ROBO2: variants seen among roughly 807,000 people sequenced by gnomAD.
ROBO2 encodes the protein roundabout homolog 2.
A neutral mutation model predicts 160.8 loss-of-function variants in ROBO2; 53 were observed. The observed-to-expected ratio is 0.33, with a 90% confidence interval of 0.26 to 0.41. The LOEUF is 0.41. ROBO2 is among the 10% of genes least tolerant of loss of function. The pLI is 1.00. For synonymous variants in ROBO2, 664 were observed against 611.7 expected (o/e 1.09, Z -1.26); for missense variants, 1,577 against 1,722.4 (o/e 0.92, Z 1.49).
chr3:76,119,912 CCCTCCCTTCCTTCCTTCCTT>C (rs1217948424), intron 2 of ROBO2, among the ~76,000 whole-genome samples: 88 of 84,970 alleles, frequency 1.0e-3, no homozygotes, highest in Non-Finnish European at 5.8e-4. Flanking sequence ...TTCCTTCCCT[CCCTCCCTTCCTTCCTTCCTT>C]CCTTCCTTCC....
At chr3:77,131,622 A>C (rs546489864) in intron 2 of ROBO2, among the ~76,000 whole-genome samples, 153 of 152,260 alleles carry the variant, frequency 1.0e-3, no homozygotes, top group Middle Eastern at 3.4e-3. Context: ...CATAAACATG[A>C]AAAGTAAGTT....
chr3:76,258,496 A>G (rs1285339325), intron 2 of ROBO2, among the ~76,000 whole-genome samples: 1 of 152,034 alleles, frequency 6.6e-6, no homozygotes, highest in African/African-American at 2.4e-5. Flanking sequence ...AATACTTTAT[A>G]AAAGTCACCT....
intron 2 of ROBO2, among the ~76,000 whole-genome samples, chr3:76,420,292 G>A (rs917008475): frequency 6.6e-6 from 1 of 152,130 alleles, no homozygotes; most frequent in African/African-American, 2.4e-5. Context: ...TGGGATTACA[G>A]TCATGAGCCA....
intron 2 of ROBO2, among the ~76,000 whole-genome samples, chr3:76,071,080 C>T (rs1391920665): frequency 3.3e-5 from 5 of 152,096 alleles, no homozygotes; most frequent in African/African-American, 1.2e-4. Flanking sequence ...GATTGGTTCT[C>T]CTTCATAATT....
chr3:77,248,033 C>G (rs1394543325), intron 2 of ROBO2, among the ~76,000 whole-genome samples: 1 of 152,098 alleles, frequency 6.6e-6, no homozygotes, highest in African/African-American at 2.4e-5. Context: ...TGTAAAAACC[C>G]CAGAGCTCAG....
intron 2 of ROBO2, among the ~76,000 whole-genome samples, chr3:76,112,017 C>T (rs2070254043): frequency 6.6e-6 from 1 of 152,100 alleles, no homozygotes; most frequent in Admixed American, 6.6e-5. Flanking sequence ...TCGACTCCAC[C>T]CAACCTCATC....
intron 2 of ROBO2, among the ~76,000 whole-genome samples, chr3:76,527,232 A>C (rs1362737206): frequency 1.3e-5 from 2 of 152,274 alleles, no homozygotes; most frequent in African/African-American, 4.8e-5. Context: ...AAAATACATA[A>C]GACTTAAATA....
rs1404445162 is a variant in ROBO2 at position 77,101,090 on chromosome 3, GA to G, written c.388+2751del. 4.6e-5 allele frequency among the ~76,000 whole-genome samples: 7 copies of G among 152,336 alleles called. No homozygotes were observed. The East Asian group carries it at 1.3e-3, about 29-fold the overall frequency. On this transcript the variant is annotated intron_variant, in intron 2 of 25. Transcript: ENST00000461745. ...TTATGAGAAAAGAGAATCTTTGAAAGAGAATTGAAGATTGCATTAAAGGTAT... is the reference window on the plus strand; with the variant it reads ...TTATGAGAAAAGAGAATCTTTGAAAGGAATTGAAGATTGCATTAAAGGTAT...
intron 21 of ROBO2, among the ~76,000 whole-genome samples, chr3:77,616,387 C>G (rs2094777154): frequency 1.3e-5 from 2 of 151,152 alleles, no homozygotes; most frequent in South Asian, 2.1e-4. Flanking sequence ...TTTTTTAATA[C>G]TAGTTATAAT....
intron 5 of ROBO2, among the ~76,000 whole-genome samples, chr3:77,511,581 C>A (rs2089403737): frequency 6.6e-6 from 1 of 151,994 alleles, no homozygotes; most frequent in Non-Finnish European, 1.5e-5. Flanking sequence ...CTTGCTCTCT[C>A]AGCTGTGCTA....
intron 2 of ROBO2, among the ~76,000 whole-genome samples, chr3:76,382,642 ATCT>A (rs2076693783): frequency 6.6e-6 from 1 of 152,158 alleles, no homozygotes; most frequent in Non-Finnish European, 1.5e-5. Flanking sequence ...CAACCTAATA[ATCT>A]TCTATGATTG....
intron 2 of ROBO2, among the ~76,000 whole-genome samples, chr3:76,764,111 A>T (rs1157463992): frequency 6.6e-6 from 1 of 151,760 alleles, no homozygotes; most frequent in Non-Finnish European, 1.5e-5. Context: ...AGACCATTTG[A>T]TGCAAGCTTT....
At chr3:76,818,232 C>A (rs1292896101) in intron 2 of ROBO2, among the ~76,000 whole-genome samples, 2 of 151,858 alleles carry the variant, frequency 1.3e-5, no homozygotes, top group Non-Finnish European at 2.9e-5. Flanking sequence ...TTTGAATTTC[C>A]CTGATCATTA....
intron 2 of ROBO2, among the ~76,000 whole-genome samples, chr3:76,688,584 A>G (rs2092732421): frequency 7.2e-6 from 1 of 139,662 alleles, no homozygotes; most frequent in African/African-American, 2.8e-5. Flanking sequence ...TTTGTAGACT[A>G]GGGAGAGAAA....
intron 2 of ROBO2, among the ~76,000 whole-genome samples, chr3:76,142,218 A>G (rs2071697982): frequency 6.6e-6 from 1 of 151,986 alleles, no homozygotes; most frequent in Non-Finnish European, 1.5e-5. Context: ...CACTTATGCA[A>G]TAAATAAATA....
intron 2 of ROBO2, among the ~76,000 whole-genome samples, chr3:76,483,958 T>C (rs6775192): frequency 0.44 from 67,352 of 152,044 alleles, 15,164 homozygotes; most frequent in East Asian, 0.63. Flanking sequence ...CTTTATCCGG[T>C]CTATCACTGA....
rs73841099 is a variant in ROBO2, at chr3:76,050,909, A to C, written c.109+113307A>C. Among the ~76,000 whole-genome samples the C allele has an allele frequency of 2.0e-5, 3 of 152,212 alleles. No homozygotes were observed. The East Asian group carries it at 5.8e-4, about 29-fold the overall frequency. ...AAACAGTGAAGATAGAAGATTAAAG[A>C]CAACTATTCCTGCAGAAGAGCTCTT... On this transcript the variant is annotated intron_variant, in intron 2 of 26. Coordinates refer to the ROBO2 transcript ENST00000487694.
chr3:76,933,675 T>C (rs2077498311), intron 2 of ROBO2, among the ~76,000 whole-genome samples: 1 of 152,188 alleles, frequency 6.6e-6, no homozygotes, highest in Non-Finnish European at 1.5e-5. Flanking sequence ...ACTCATACAT[T>C]ATGTATATAT....
intron 2 of ROBO2, among the ~76,000 whole-genome samples, chr3:76,243,148 G>A (rs567870877): frequency 1.3e-5 from 2 of 152,032 alleles, no homozygotes; most frequent in African/African-American, 4.8e-5. Context: ...TTTTTCTCTC[G>A]GACTTCGGAT....
Sources: gnomAD v4.1 joint callset for allele counts (sites outside exome capture counted in the v4.1 genomes callset) on GRCh38, gnomAD v4.1.1 for gene constraint, MANE v1.5 for transcripts, NCBI Gene and HGNC (gene_info 2026-07-23, HGNC 2026-07-21) for gene names.